MIOS: variants seen among roughly 807,000 people sequenced by gnomAD.
MIOS encodes meiosis regulator for oocyte development.
A neutral mutation model predicts 96.9 loss-of-function variants in MIOS; 52 were observed. The ratio of observed to expected loss-of-function variants is 0.54; its 90% CI spans 0.43 to 0.68. The LOEUF (loss-of-function observed/expected upper bound fraction) is 0.68. Among genes scored for constraint, MIOS ranks in the 30% least tolerant of loss-of-function variants. MIOS has a pLI of 0.00. For missense variants in MIOS, 1,005 were observed against 1,052.8 expected (o/e 0.95, Z 0.63); for synonymous variants, 397 against 359.5 (o/e 1.10, Z -1.18).
rs1240116343 is a variant in MIOS at position 7,573,990 on chromosome 7, C to T, written c.1295-108C>T. ...AGTGTATCTCTGCAATAGAGTCGAA[C>T]CACCTTATTTACACTGATACTTATT... is the stretch of plus-strand genomic sequence containing the variant. On this transcript the variant is annotated intron_variant, in intron 4 of 12. Coordinates refer to ENST00000340080, the MANE Select transcript of MIOS (RefSeq NM_019005.4). This position sits in a 1 kb window ranked among gnomAD's most constrained non-coding sequence, Gnocchi z 5.0. 1 of 964,732 alleles carries T rather than the reference C, an allele frequency of 1.0e-6. No homozygotes were observed. The highest frequency in any genetic ancestry group is 1.7e-5 in the African/African-American group (1 of 60,214). 59.8% of individuals were successfully genotyped at this position (964,732 alleles called of 1,614,324 possible). A position where few individuals can be genotyped will look rare whatever the true frequency, so the allele number is the denominator to read the frequency against.
chr7:7,600,248 C>G (rs1784335804), intron 11 of MIOS, among the ~76,000 whole-genome samples: 1 of 150,988 alleles, frequency 6.6e-6, no homozygotes, highest in Non-Finnish European at 1.5e-5. Context: ...CAAAGTAAAA[C>G]AGGATCTAAT....
intron 9 of MIOS, among the ~76,000 whole-genome samples, chr7:7,593,809 G>A (rs375821584): frequency 2.7e-5 from 4 of 148,206 alleles, no homozygotes; most frequent in Admixed American, 6.8e-5. Context: ...AGCCCGGGAG[G>A]CAGAGGTTGC....
At chr7:7,606,760 A>C (rs1784542272) in intron 12 of MIOS, among the ~76,000 whole-genome samples, 2 of 152,036 alleles carry the variant, frequency 1.3e-5, no homozygotes, top group South Asian at 4.1e-4. Context: ...TATTTTTCCA[A>C]ATGCCATTTT....
intron 3 of MIOS, among the ~76,000 whole-genome samples, chr7:7,569,253 A>T (rs961033374): frequency 8.5e-5 from 13 of 152,060 alleles, no homozygotes; most frequent in African/African-American, 2.2e-4. Context: ...CTTCCTCCTC[A>T]TTCTTAAATT....
chr7:7,593,638 A>C (rs1220138232), intron 9 of MIOS, among the ~76,000 whole-genome samples: 1 of 152,030 alleles, frequency 6.6e-6, no homozygotes, highest in Non-Finnish European at 1.5e-5. Context: ...TCATGCGTGT[A>C]ATCCCAGCAC....
chr7:7,596,435 T>C lies in MIOS; in HGVS notation c.2375T>C (p.Met792Thr). 1.2e-6 allele frequency: 2 copies of C among 1,614,084 alleles called. No individual in the cohort carries two copies. Among genetic ancestry groups the C allele is most frequent in the Non-Finnish European group, 1.7e-6 (2 of 1,179,968 alleles). ...CGATGTGCGCTTTGTCTCATTAATA[T>C]GGGAACACCAGTTTCTAGCTGTCCT... ...LPRCALCLIN[M>T]GTPVSSCPGG... is the part of the protein sequence containing the mutation. Residue 792 changes from methionine (M) to threonine (T), a missense_variant, in exon 11 of 13, where the codon ATG (methionine) becomes ACG (threonine). Transcript: ENST00000340080.
intron 3 of MIOS, among the ~76,000 whole-genome samples, chr7:7,570,456 A>G (rs56414120): frequency 0.011 from 1,721 of 151,764 alleles, 11 homozygotes; most frequent in Non-Finnish European, 0.018. Context: ...ATGGAAGACA[A>G]TTTTCTCACG....
chr7:7,604,244 A>T (rs1784463061), intron 11 of MIOS, among the ~76,000 whole-genome samples: 1 of 152,108 alleles, frequency 6.6e-6, no homozygotes, highest in Non-Finnish European at 1.5e-5. Context: ...AGTGCTGGCT[A>T]GTGGCTCGAG....
At chr7:7,593,879 C>CAAAAAAAAAAAAAAAAAAA (rs35986278) in intron 9 of MIOS, among the ~76,000 whole-genome samples, 1 of 47,862 alleles carries the variant, frequency 2.1e-5, no homozygotes, top group African/African-American at 6.6e-5. Flanking sequence ...ACTCTGTCTC[C>CAAAAAAAAAAAAAAAAAAA]AAAAAAAAAA....
At chr7:7,606,220 C>T in intron 12 of MIOS, 149 bp downstream of exon 12, 1 of 1,031,374 alleles carries the variant, frequency 9.7e-7, no homozygotes, top group Non-Finnish European at 1.4e-6. Flanking sequence ...GTGGTGTGAA[C>T]ATGTCGTGAT....
intron 9 of MIOS, among the ~76,000 whole-genome samples, chr7:7,589,831 C>G (rs1172108890): frequency 6.6e-6 from 1 of 152,148 alleles, no homozygotes; most frequent in African/African-American, 2.4e-5. Context: ...AATAGAGAAA[C>G]TCTCTTCAGT....
chr7:7,591,775 C>G (rs1458686436), intron 9 of MIOS, among the ~76,000 whole-genome samples: 1 of 152,018 alleles, frequency 6.6e-6, no homozygotes, highest in Non-Finnish European at 1.5e-5. Flanking sequence ...CACTGAGCTT[C>G]TTGGATCTGG....
At chr7:7,583,403 T>A in intron 6 of MIOS, 31 bp downstream of exon 6, 1 of 1,524,532 alleles carries the variant, frequency 6.6e-7, no homozygotes, top group Non-Finnish European at 8.8e-7. Context: ...ATATTAGTTA[T>A]AATCTAAGAT....
intron 11 of MIOS, 39 bp downstream of exon 11, chr7:7,596,500 A>G (rs371157705): frequency 2.1e-4 from 326 of 1,547,080 alleles, no homozygotes; most frequent in Non-Finnish European, 2.7e-4. Context: ...ATGAACTGAA[A>G]TGATTCTTAC....
chr7:7,603,506 A>T (rs1187762431), intron 11 of MIOS, among the ~76,000 whole-genome samples: 4 of 152,236 alleles, frequency 2.6e-5, no homozygotes, highest in Non-Finnish European at 5.9e-5. Context: ...TCAAAACCAC[A>T]ATGAGATACC....
chr7:7,580,576 TA>T (rs1161442863), intron 5 of MIOS, among the ~76,000 whole-genome samples: 6 of 152,084 alleles, frequency 3.9e-5, no homozygotes, highest in African/African-American at 1.4e-4. Context: ...AAATATGTAC[TA>T]ACATGCATAA....
chr7:7,571,620 G>A (rs1219357769), intron 3 of MIOS, among the ~76,000 whole-genome samples: 1 of 152,198 alleles, frequency 6.6e-6, no homozygotes, highest in Non-Finnish European at 1.5e-5. Context: ...GGTGTTACAT[G>A]ACTGAAGTTT....
rs558124803 is a variant in MIOS, at chr7:7,599,305, G to T, written c.2401+2844G>T. 2.6e-5 allele frequency among the ~76,000 whole-genome samples: 4 copies of T among 152,146 alleles called. No homozygotes were observed. The South Asian group carries it at 8.3e-4, about 32-fold the overall frequency. On this transcript the variant is annotated intron_variant, in intron 11 of 12. Coordinates refer to ENST00000340080, the MANE Select transcript of MIOS (RefSeq NM_019005.4). Reference sequence around the variant, plus strand: ...AAATACTAACGAGTTTGATTACAGGGTGCTTTAGACTTCCCTCAAGGTGTA... The same window carrying T: ...AAATACTAACGAGTTTGATTACAGGTTGCTTTAGACTTCCCTCAAGGTGTA...
chr7:7,601,052 G>A (rs1254765125), intron 11 of MIOS, among the ~76,000 whole-genome samples: 1 of 114,820 alleles, frequency 8.7e-6, no homozygotes, highest in African/African-American at 2.9e-5. Flanking sequence ...AGAATCTCTG[G>A]GACACATTCA....
Sources: gnomAD v4.1 joint callset for allele counts (sites outside exome capture counted in the v4.1 genomes callset) on GRCh38, gnomAD v4.1.1 for gene constraint, Gnocchi (gnomAD v3.1) non-coding constraint, MANE v1.5 for transcripts, NCBI Gene and HGNC (gene_info 2026-07-23, HGNC 2026-07-21) for gene names.